Variants in SORCS2 observed in about 807,000 individuals in gnomAD.
SORCS2 encodes sortilin related VPS10 domain containing receptor 2.
Under a neutral mutation model 141.6 loss-of-function variants are expected in SORCS2, and 100 were observed. That is an observed-to-expected ratio of 0.71 (90% CI 0.60 to 0.83). SORCS2 has a LOEUF of 0.83. Among genes scored for constraint, SORCS2 ranks in the 40% least tolerant of loss-of-function variants. The probability of loss-of-function intolerance (pLI) is 0.00; values close to 1 mark genes in which losing one functional copy is unlikely to be tolerated. For synonymous variants in SORCS2, 789 were observed against 676.9 expected (o/e 1.17, Z -2.57); for missense variants, 1,646 against 1,560.2 (o/e 1.05, Z -0.93).
chr4:7,655,227 A>G (rs1560459862), intron 5 of SORCS2, among the ~76,000 whole-genome samples: 1 of 151,442 alleles, frequency 6.6e-6, no homozygotes, highest in East Asian at 1.9e-4. Flanking sequence ...ACACACACAC[A>G]GTGCTAGCCT....
chr4:7,318,941 T>C (rs1277342565), intron 1 of SORCS2, among the ~76,000 whole-genome samples: 1 of 152,198 alleles, frequency 6.6e-6, no homozygotes, highest in Non-Finnish European at 1.5e-5. Context: ...TTGGTCTGTA[T>C]AGTTTTGCCT....
At chr4:7,737,033 C>T (rs1284442261) in intron 25 of SORCS2, 36 bp from the exon 26 acceptor site, 4 of 1,549,432 alleles carry the variant, frequency 2.6e-6, no homozygotes, top group Non-Finnish European at 1.7e-6. Flanking sequence ...CTGGGAAGCC[C>T]CTCCAAGCTG....
intron 2 of SORCS2, among the ~76,000 whole-genome samples, chr4:7,457,909 G>C (rs138803166): frequency 6.6e-6 from 1 of 152,140 alleles, no homozygotes; most frequent in Non-Finnish European, 1.5e-5. Flanking sequence ...GCTGCAGGGC[G>C]GGGGTGTCCA....
intron 1 of SORCS2, among the ~76,000 whole-genome samples, chr4:7,274,880 C>G (rs988430411): frequency 6.6e-6 from 1 of 152,158 alleles, no homozygotes; most frequent in African/African-American, 2.4e-5. Flanking sequence ...CCTGCTCCCC[C>G]ATCACGTGGT....
chr4:7,262,885 T>C (rs1362787479), intron 1 of SORCS2, among the ~76,000 whole-genome samples: 3 of 152,230 alleles, frequency 2.0e-5, no homozygotes, highest in Non-Finnish European at 4.4e-5. Flanking sequence ...CCAGACATTC[T>C]TGGGAAAATC....
chr4:7,522,726 C>T (rs1170572574), intron 2 of SORCS2, among the ~76,000 whole-genome samples: 1 of 79,570 alleles, frequency 1.3e-5, no homozygotes, highest in African/African-American at 3.7e-5. Context: ...CTCCCGTTTT[C>T]CCTCCTTCCT....
intron 3 of SORCS2, among the ~76,000 whole-genome samples, chr4:7,600,593 C>G (rs1254772146): frequency 6.6e-6 from 1 of 151,658 alleles, no homozygotes; most frequent in Non-Finnish European, 1.5e-5. Context: ...GCATTGCTAA[C>G]CCGGGGTCCG....
At chr4:7,627,740 C>T (rs1719608629) in intron 3 of SORCS2, among the ~76,000 whole-genome samples, 1 of 152,224 alleles carries the variant, frequency 6.6e-6, no homozygotes, top group South Asian at 2.1e-4. Flanking sequence ...TGCCCTCGGT[C>T]CACACAAGAG....
At chr4:7,532,874 A>G (rs1337446548) in intron 3 of SORCS2, among the ~76,000 whole-genome samples, 1 of 152,036 alleles carries the variant, frequency 6.6e-6, no homozygotes, top group Non-Finnish European at 1.5e-5. Context: ...CCAGCTGGAC[A>G]GACTTGGAAT....
At chr4:7,597,192 T>C (rs1409840177) in intron 3 of SORCS2, among the ~76,000 whole-genome samples, 1 of 136,728 alleles carries the variant, frequency 7.3e-6, no homozygotes, top group African/African-American at 2.8e-5. Flanking sequence ...GCTATTACAA[T>C]GGAAGAGGGG....
At chr4:7,527,257 A>T (rs1318299179) in intron 2 of SORCS2, among the ~76,000 whole-genome samples, 1 of 152,226 alleles carries the variant, frequency 6.6e-6, no homozygotes, top group Non-Finnish European at 1.5e-5. Flanking sequence ...CCACGTCCTA[A>T]TCCCCGGAAA....
chr4:7,576,621 A>T (rs956798127), intron 3 of SORCS2, among the ~76,000 whole-genome samples: 1 of 152,194 alleles, frequency 6.6e-6, no homozygotes, highest in African/African-American at 2.4e-5. Flanking sequence ...CTGTTGATCT[A>T]AGACGTGGTG....
chr4:7,611,078 C>A (rs555128124), intron 3 of SORCS2, among the ~76,000 whole-genome samples: 1 of 152,334 alleles, frequency 6.6e-6, no homozygotes, highest in East Asian at 1.9e-4. Context: ...AGCCACCATG[C>A]AGCCCAGCAC....
intron 10 of SORCS2, among the ~76,000 whole-genome samples, chr4:7,686,822 G>T (rs114816777): frequency 0.029 from 4,375 of 152,332 alleles, 100 homozygotes; most frequent in Middle Eastern, 0.058. Flanking sequence ...CCCAGGAGAA[G>T]GGGGAGCCGT....
At chr4:7,673,933 C>T (rs951856066) in intron 8 of SORCS2, among the ~76,000 whole-genome samples, 3 of 152,220 alleles carry the variant, frequency 2.0e-5, no homozygotes, top group African/African-American at 4.8e-5. Flanking sequence ...GGCTGGTGGA[C>T]AAACCTTCCC....
intron 1 of SORCS2, among the ~76,000 whole-genome samples, chr4:7,222,448 G>A (rs1186643191): frequency 6.6e-6 from 1 of 152,180 alleles, no homozygotes; most frequent in Non-Finnish European, 1.5e-5. Context: ...CCATAGGGAC[G>A]GAAAGCAGGT....
At chr4:7,255,896 CGGGGCTGG>C (rs1713833014) in intron 1 of SORCS2, among the ~76,000 whole-genome samples, 4 of 95,468 alleles carry the variant, frequency 4.2e-5, no homozygotes, top group African/African-American at 9.0e-5. Flanking sequence ...CGTGGGGACC[CGGGGCTGG>C]AGCGTGGGGC....
At chr4:7,228,985 G>A (rs1194232348) in intron 1 of SORCS2, among the ~76,000 whole-genome samples, 1 of 152,222 alleles carries the variant, frequency 6.6e-6, no homozygotes, top group African/African-American at 2.4e-5. Context: ...CCTGCCCCGA[G>A]TGGACTTGCG....
chr4:7,571,509 G>A lies in SORCS2; in HGVS notation c.648+39880G>A, dbSNP rs538605131. Among the ~76,000 whole-genome samples, 12 of 152,240 alleles carry A rather than the reference G, an allele frequency of 7.9e-5. No homozygotes were observed. The South Asian group carries it at 2.5e-3, about 32-fold the overall frequency. On this transcript the variant is annotated intron_variant, in intron 3 of 26. Transcript: ENST00000507866. ...GGTAGACTCAGGGGATGAGATGAGG[G>A]ACCCGCAAAATTCTACCTGGGCAGT...
Sources: allele counts gnomAD v4.1 joint callset (sites outside exome capture counted in the v4.1 genomes callset), GRCh38; gene constraint gnomAD v4.1.1; transcripts MANE v1.5; gene names NCBI Gene and HGNC (gene_info 2026-07-23, HGNC 2026-07-21).